Variants in SEPTIN6 observed in about 807,000 individuals in gnomAD.
The protein encoded by SEPTIN6 is septin 6, also known as septin-6.
SEPTIN6 carries 8 observed loss-of-function variants against 33.6 expected under a neutral mutation model. The observed-to-expected ratio is 0.24, with a 90% CI of 0.14 to 0.43. SEPTIN6 has a LOEUF of 0.43. Ranked by LOEUF, SEPTIN6 falls within the 20% of genes least tolerant of loss-of-function variation. SEPTIN6 has a pLI of 1.00. For missense variants in SEPTIN6, 250 were observed against 340.8 expected (o/e 0.73, Z 2.10); for synonymous variants, 131 against 140.0 (o/e 0.94, Z 0.45).
intron 8 of SEPTIN6, among the ~76,000 whole-genome samples, chrX:119,630,644 C>G (rs890808721): frequency 9.0e-6 from 1 of 111,731 alleles, no homozygotes; most frequent in Admixed American, 9.5e-5. Flanking sequence ...TCGGCTCAAT[C>G]CCAGCACTTT....
chrX:119,656,792 A>G (rs1323763475), intron 3 of SEPTIN6, among the ~76,000 whole-genome samples: 1 of 112,278 alleles, frequency 8.9e-6, no homozygotes, highest in Non-Finnish European at 1.9e-5. Context: ...AGGCTGAGGC[A>G]GGAGAATTGC....
At chrX:119,670,356 G>T (rs752788301) in intron 2 of SEPTIN6, among the ~76,000 whole-genome samples, 11 of 109,193 alleles carry the variant, frequency 1.0e-4, no homozygotes, top group African/African-American at 3.7e-4. Flanking sequence ...TCAAGAGTTC[G>T]AGACCAGCCT....
In SEPTIN6 at chrX:119,690,348, T is replaced by TACACACACAC. The variant is rs1196119691; in HGVS notation, c.30+2718_30+2727dup. On this transcript the variant is annotated intron_variant, in intron 1 of 10. Coordinates refer to ENST00000394610, the MANE Select transcript of SEPTIN6 (RefSeq NM_145799.4). Reference sequence around the variant, plus strand: ...AACACACCCCCCACATACATACACATACACACACACACACACACACACACA... The same window carrying TACACACACAC: ...AACACACCCCCCACATACATACACATACACACACACACACACACACACACACACACACACA... Among the ~76,000 whole-genome samples the TACACACACAC allele has an allele frequency of 5.0e-3, 378 of 74,977 alleles. 2 individuals are homozygous for TACACACACAC. The highest frequency in any genetic ancestry group is 0.017 in the East Asian group (42 of 2,434). 65.1% of individuals were successfully genotyped at this position (74,977 alleles called of 115,157 possible). A position where few individuals can be genotyped will look rare whatever the true frequency, so the allele number is the denominator to read the frequency against.
intron 8 of SEPTIN6, among the ~76,000 whole-genome samples, chrX:119,630,673 G>A (rs752719286): frequency 9.0e-6 from 1 of 111,448 alleles, no homozygotes; most frequent in African/African-American, 3.3e-5. Context: ...AAGGTGGGTG[G>A]CATAAGGTCA....
chrX:119,632,524 C>T (rs1418440469), intron 8 of SEPTIN6, among the ~76,000 whole-genome samples: 1 of 107,186 alleles, frequency 9.3e-6, no homozygotes, highest in South Asian at 4.0e-4. Flanking sequence ...TTAAGTGAAA[C>T]TGAAAAAAAA....
At chrX:119,659,135 T>C (rs1371279765) in intron 3 of SEPTIN6, among the ~76,000 whole-genome samples, 1 of 112,167 alleles carries the variant, frequency 8.9e-6, no homozygotes, top group Non-Finnish European at 1.9e-5. Flanking sequence ...TGGGAATCTA[T>C]TTTTGTGAAT....
chrX:119,653,723 T>A (rs2054387948), intron 3 of SEPTIN6, among the ~76,000 whole-genome samples: 1 of 112,233 alleles, frequency 8.9e-6, no homozygotes, highest in African/African-American at 3.2e-5. Context: ...CACACTTGGC[T>A]CCCCCAAGGT....
At position 119,685,640 on chromosome X, in the gene SEPTIN6, G is replaced by A. The variant is rs193288988; in HGVS notation, c.30+7436C>T. ...GTGCTAGGATCCAGGCCCCTGTCGAGCCAACGGCCACTCTCAAATGGAAAA... is the reference window on the plus strand; with the variant it reads ...GTGCTAGGATCCAGGCCCCTGTCGAACCAACGGCCACTCTCAAATGGAAAA... On this transcript the variant is annotated intron_variant, in intron 1 of 10. Transcript: ENST00000394610. Among the ~76,000 whole-genome samples the A allele has an allele frequency of 2.7e-5, 3 of 111,371 alleles. No individual in the cohort carries two copies. The Admixed American group carries it at 2.9e-4, about 11-fold the overall frequency.
At chrX:119,645,011 G>C (rs1367161405) in intron 5 of SEPTIN6, among the ~76,000 whole-genome samples, 1 of 104,248 alleles carries the variant, frequency 9.6e-6, no homozygotes, top group Admixed American at 1.0e-4. Context: ...GGGTTCAAGC[G>C]ATTATCTTGC....
chrX:119,666,657 G>A (rs1283756630), intron 2 of SEPTIN6, among the ~76,000 whole-genome samples: 1 of 111,721 alleles, frequency 9.0e-6, no homozygotes, highest in African/African-American at 3.3e-5. Context: ...TAAATTGCCA[G>A]AGTGTGGGGA....
intron 4 of SEPTIN6, among the ~76,000 whole-genome samples, chrX:119,652,224 A>C (rs1045123253): frequency 1.6e-4 from 18 of 111,566 alleles, no homozygotes; most frequent in African/African-American, 5.5e-4. Context: ...GCACCCAGCC[A>C]AGTTTTTCTT....
chrX:119,620,708 T>C (rs305152), intron 10 of SEPTIN6, among the ~76,000 whole-genome samples: 45,930 of 108,282 alleles, frequency 0.42, 8,565 homozygotes, highest in Admixed American at 0.6. Flanking sequence ...GCAACCTCCA[T>C]CTTCCAATTT....
intron 5 of SEPTIN6, among the ~76,000 whole-genome samples, chrX:119,644,692 C>G (rs1352210895): frequency 1.8e-5 from 2 of 109,755 alleles, no homozygotes; most frequent in African/African-American, 6.6e-5. Context: ...ACTAAAAATA[C>G]AAAAATTAGC....
At chrX:119,663,789 A>G in intron 2 of SEPTIN6, 112 bp from the exon 3 acceptor site, 1 of 609,286 alleles carries the variant, frequency 1.6e-6, no homozygotes, top group Non-Finnish European at 2.5e-6. Context: ...ATGATAAAAC[A>G]TAAAGCAAAA....
intron 10 of SEPTIN6, 70 bp downstream of exon 10, chrX:119,625,265 G>A (rs1300278850): frequency 4.2e-6 from 3 of 709,822 alleles, no homozygotes; most frequent in Non-Finnish European, 6.6e-6. Context: ...GCTTGTGTTG[G>A]GGGTGCGGGA....
At chrX:119,667,810 C>T (rs2054669937) in intron 2 of SEPTIN6, among the ~76,000 whole-genome samples, 1 of 110,170 alleles carries the variant, frequency 9.1e-6, no homozygotes, top group Admixed American at 9.7e-5. Flanking sequence ...TGAGGAGTCC[C>T]GAGGGGTCAA....
At chrX:119,616,439 T>C (rs1046680415), downstream of SEPTIN6, 14 of 447,801 alleles carry the variant, frequency 3.1e-5, no homozygotes, top group African/African-American at 3.1e-4. Context: ...GGTCCTGTAG[T>C]TGTTTCTCTG....
Position 119,685,534 on chromosome X carries a change from G to A in SEPTIN6, c.30+7542C>T, listed in dbSNP as rs762098443. Among the ~76,000 whole-genome samples the A allele has an allele frequency of 9.9e-5, 11 of 111,606 alleles. No homozygotes were observed. The South Asian group carries it at 1.5e-3, about 15-fold the overall frequency. The stretch of plus-strand genomic sequence containing the variant: ...AAAGATCACCTAATCCAGCCCTTTC[G>A]TTTCACAAAAGGGGAAACAGAGACT... On this transcript the variant is annotated intron_variant, in intron 1 of 10. Coordinates refer to ENST00000394610, the MANE Select transcript of SEPTIN6 (RefSeq NM_145799.4).
chrX:119,680,609 T>C (rs780323662), intron 1 of SEPTIN6, among the ~76,000 whole-genome samples: 48 of 111,496 alleles, frequency 4.3e-4, no homozygotes, highest in African/African-American at 1.6e-3. Context: ...ACATAGAACC[T>C]GGTCAATGTG....
Sources: allele counts gnomAD v4.1 joint callset (sites outside exome capture counted in the v4.1 genomes callset), GRCh38; gene constraint gnomAD v4.1.1; transcripts MANE v1.5; gene names NCBI Gene and HGNC (gene_info 2026-07-23, HGNC 2026-07-21).